INPP5A: variants seen among roughly 807,000 people sequenced by gnomAD.
INPP5A encodes the protein inositol polyphosphate-5-phosphatase A.
In INPP5A, 14 loss-of-function variants were observed where a neutral mutation model predicts 65.2. That is an observed-to-expected ratio of 0.21 (90% confidence interval 0.14 to 0.34). INPP5A has a LOEUF of 0.34. Ranked by LOEUF, INPP5A falls within the 10% of genes least tolerant of loss-of-function variation. The pLI, the probability that INPP5A is intolerant of heterozygous loss-of-function variation, is 1.00. For synonymous variants in INPP5A, 207 were observed against 208.3 expected (o/e 0.99, Z 0.05); for missense variants, 431 against 545.6 (o/e 0.79, Z 2.09).
chr10:132,713,152 ATG>A (rs537604706), intron 8 of INPP5A, among the ~76,000 whole-genome samples: 2,755 of 146,436 alleles, frequency 0.019, 61 homozygotes, highest in Non-Finnish European at 0.023. Context: ...GTGCATGTGT[ATG>A]TGTGTGTGCG....
chr10:132,594,841 AGGTTCTCCAT>A (rs1173604923), intron 1 of INPP5A, among the ~76,000 whole-genome samples: 1 of 152,108 alleles, frequency 6.6e-6, no homozygotes, highest in Non-Finnish European at 1.5e-5. Context: ...AGGCTGTATG[AGGTTCTCCAT>A]GGTTCTCCCC....
At chr10:132,683,022 A>C (rs990177464) in intron 4 of INPP5A, among the ~76,000 whole-genome samples, 1 of 149,392 alleles carries the variant, frequency 6.7e-6, no homozygotes, top group African/African-American at 2.5e-5. Context: ...TGTGGAGGGC[A>C]CGTCTCCTGT....
At chr10:132,665,413 G>A (rs963822648) in intron 4 of INPP5A, among the ~76,000 whole-genome samples, 5 of 152,238 alleles carry the variant, frequency 3.3e-5, no homozygotes, top group African/African-American at 7.2e-5. Context: ...AAGATTCGGG[G>A]TATTTGTTTC....
At chr10:132,720,378 G>T (rs1236789907) in intron 8 of INPP5A, among the ~76,000 whole-genome samples, 1 of 144,944 alleles carries the variant, frequency 6.9e-6, no homozygotes, top group African/African-American at 2.7e-5. Flanking sequence ...CCTGGGTTCT[G>T]TCTGGGCACC....
intron 8 of INPP5A, among the ~76,000 whole-genome samples, chr10:132,721,104 G>T (rs1211227846): frequency 5.5e-5 from 8 of 146,280 alleles, no homozygotes; most frequent in Non-Finnish European, 3.0e-5. Context: ...GCCTGGAGGA[G>T]CCTTAGACGA....
chr10:132,754,852 AGT>A (rs886371872), intron 11 of INPP5A, among the ~76,000 whole-genome samples: 2 of 152,000 alleles, frequency 1.3e-5, no homozygotes, highest in African/African-American at 2.4e-5. Context: ...TTCCTATTGG[AGT>A]GTGTGTCAGC....
In INPP5A at chr10:132,762,545, G is replaced by C. The variant is rs917809336; in HGVS notation, c.904-3228G>C. ...ACTGGCCACCATAAAGACAGTACCTGGCGATGGAGAGACACAGCCCCACCA... is the reference window on the plus strand; with the variant it reads ...ACTGGCCACCATAAAGACAGTACCTCGCGATGGAGAGACACAGCCCCACCA... On this transcript the variant is annotated intron_variant, in intron 11 of 15. Transcript: ENST00000368594. The surrounding 1 kb of genome is among the most constrained non-coding windows in gnomAD (Gnocchi z 4.6). Among the ~76,000 whole-genome samples the C allele has an allele frequency of 6.6e-6, 1 of 152,154 alleles. No individual in the cohort carries two copies. Among genetic ancestry groups the C allele is most frequent in the Non-Finnish European group, 1.5e-5 (1 of 68,032 alleles).
chr10:132,592,502 G>A (rs944001353), intron 1 of INPP5A, among the ~76,000 whole-genome samples: 8 of 152,248 alleles, frequency 5.3e-5, no homozygotes, highest in South Asian at 4.2e-4. Context: ...TGCAGCCTCC[G>A]CCTCCCGGGT....
At chr10:132,576,980 G>A (rs747873168) in intron 1 of INPP5A, among the ~76,000 whole-genome samples, 8 of 152,264 alleles carry the variant, frequency 5.3e-5, no homozygotes, top group Non-Finnish European at 8.8e-5. Context: ...TGAGTGCCAC[G>A]GTTTGAACGC....
In INPP5A at chr10:132,706,775, A is replaced by C. The variant is rs2134520782; in HGVS notation, c.475-1538A>C. ...GGAGCTGTGGGGGCCACTGTCCTGG[A>C]GGGAGACAGGGAGAAGGAGACGGGG... On this transcript the variant is annotated intron_variant, in intron 6 of 15. Transcript: ENST00000368594. The surrounding 1 kb of genome is among the most constrained non-coding windows in gnomAD (Gnocchi z 4.7). Among the ~76,000 whole-genome samples the C allele has an allele frequency of 6.6e-6, 1 of 152,224 alleles. No homozygotes were observed. The highest frequency in any genetic ancestry group is 1.9e-4 in the East Asian group (1 of 5,170).
chr10:132,718,857 A>G (rs898242294), intron 8 of INPP5A, among the ~76,000 whole-genome samples: 7 of 141,830 alleles, frequency 4.9e-5, no homozygotes, highest in Middle Eastern at 3.9e-3. Flanking sequence ...GGCACCTTAG[A>G]CGGCTGTCTT....
chr10:132,666,018 G>A (rs981435926), intron 4 of INPP5A, among the ~76,000 whole-genome samples: 1 of 148,116 alleles, frequency 6.8e-6, no homozygotes, highest in Non-Finnish European at 1.5e-5. Flanking sequence ...TCACACCACT[G>A]CACTGCAGCC....
At chr10:132,669,679 T>C (rs961048067) in intron 4 of INPP5A, among the ~76,000 whole-genome samples, 11 of 152,190 alleles carry the variant, frequency 7.2e-5, no homozygotes, top group Non-Finnish European at 1.2e-4. Context: ...ATGTGGGGCC[T>C]GCCTGTGCGT....
At chr10:132,780,948 TG>T (rs1565017128) in intron 14 of INPP5A, 31 bp downstream of exon 14, 2 of 581,544 alleles carry the variant, frequency 3.4e-6, no homozygotes, top group Non-Finnish European at 2.3e-6. Context: ...GGGGCCAGGC[TG>T]GGGGACCAAG....
intron 1 of INPP5A, among the ~76,000 whole-genome samples, chr10:132,539,680 GCTCCCTCCCTCC>G (rs538466893): frequency 3.3e-5 from 5 of 151,478 alleles, no homozygotes; most frequent in Admixed American, 2.6e-4. Context: ...AGCCACGGAC[GCTCCCTCCCTCC>G]CTCCCTCCCT....
chr10:132,739,692 C>CCATA (rs765645098), intron 9 of INPP5A, among the ~76,000 whole-genome samples: 12 of 152,180 alleles, frequency 7.9e-5, no homozygotes, highest in Non-Finnish European at 1.2e-4. Context: ...CACGTGTGTG[C>CCATA]CATAGGAAAG....
In INPP5A at chr10:132,782,064, C is replaced by T. The variant is rs1301924344; in HGVS notation, c.*35C>T. ...AAGAGATGCCAGCGCCACGAGAGGA[C>T]ACTTCGTGAGCCTCCCTGTAGCCGT... On this transcript the variant is annotated 3_prime_UTR_variant, in exon 16 of 16. Transcript: ENST00000368594. This position sits in a 1 kb window ranked among gnomAD's most constrained non-coding sequence, Gnocchi z 4.4. The T allele has an allele frequency of 6.4e-7, 1 of 1,559,704 alleles. No individual in the cohort carries two copies. The highest frequency in any genetic ancestry group is 8.7e-7 in the Non-Finnish European group (1 of 1,149,196).
rs1002348188 is a variant in INPP5A, at chr10:132,674,565, G to A, written c.307-15827G>A. Reference sequence around the variant, plus strand: ...GGTGCAGGCTGGGGGAGAGAAGGGAGGGTGGCGGGAGTGGAGACCATGGGC... The same window carrying A: ...GGTGCAGGCTGGGGGAGAGAAGGGAAGGTGGCGGGAGTGGAGACCATGGGC... On this transcript the variant is annotated intron_variant, in intron 4 of 15. Transcript: ENST00000368594. This position sits in a 1 kb window ranked among gnomAD's most constrained non-coding sequence, Gnocchi z 4.4. Among the ~76,000 whole-genome samples the A allele has an allele frequency of 6.6e-6, 1 of 152,218 alleles. No individual in the cohort carries two copies. The highest frequency in any genetic ancestry group is 2.4e-5 in the African/African-American group (1 of 41,456).
At chr10:132,580,000 C>T (rs535556100) in intron 1 of INPP5A, among the ~76,000 whole-genome samples, 60 of 151,790 alleles carry the variant, frequency 4.0e-4, no homozygotes, top group African/African-American at 1.2e-3. Context: ...AGTCTGCCCC[C>T]GGGTTGTGGC....
Sources: allele counts gnomAD v4.1 joint callset (sites outside exome capture counted in the v4.1 genomes callset), GRCh38; gene constraint gnomAD v4.1.1; non-coding constraint Gnocchi (gnomAD v3.1); transcripts MANE v1.5; gene names NCBI Gene and HGNC (gene_info 2026-07-23, HGNC 2026-07-21).